Variants in CHD8 observed in about 807,000 individuals in gnomAD.
CHD8 encodes chromodomain helicase DNA binding protein 8.
In CHD8, 31 loss-of-function variants were observed where a neutral mutation model predicts 279.2. The observed-to-expected ratio is 0.11, with a 90% CI of 0.08 to 0.15. The LOEUF (loss-of-function observed/expected upper bound fraction) is 0.15, where lower values mean the gene tolerates loss of function less well. CHD8 is among the 10% of genes least tolerant of loss of function. CHD8 has a pLI of 1.00. For missense variants in CHD8, 2,146 were observed against 3,230.5 expected (o/e 0.66, Z 8.14); for synonymous variants, 1,081 against 1,139.6 (o/e 0.95, Z 1.04).
chr14:21,430,848 C>T lies in CHD8; in HGVS notation c.796G>A (p.Gly266Arg). 1 of 1,599,308 alleles carries T rather than the reference C, an allele frequency of 6.3e-7. No homozygotes were observed. Among genetic ancestry groups the T allele is most frequent in the Non-Finnish European group, 8.5e-7 (1 of 1,179,676 alleles). Residue 266 changes from glycine to arginine, a missense_variant, in exon 2 of 38, where the codon GGG becomes AGG. Coordinates refer to ENST00000646647, the MANE Select transcript of CHD8 (RefSeq NM_001170629.2). ...SAPAGNPGAT[G>R]PPLKPAVTLT... ...GTAACTGCAGGCTTCAGTGGGGGCC[C>T]TGTGGCCCCAGGGTTTCCAGCAGGA...
At chr14:21,397,190 T>C (rs562480182) in intron 27 of CHD8, 4 of 300,372 alleles carry the variant, frequency 1.3e-5, no homozygotes, top group East Asian at 1.7e-4. Flanking sequence ...CCAATTTCCT[T>C]TGAGGGTCCT....
intron 30 of CHD8, 180 bp from the exon 31 acceptor site, chr14:21,394,665 G>A (rs1429599921): frequency 1.7e-6 from 1 of 582,892 alleles, no homozygotes; most frequent in Non-Finnish European, 2.9e-6. Context: ...TAATGAGTAA[G>A]AATTACAGAG....
At position 21,447,886 on chromosome 14, in the gene CHD8, C is replaced by T. The variant is rs567900648; in HGVS notation, c.-216+8146G>A. ...AAGTTGCTCTTCACTGGCTCATGGTCACTAAGGTGAAAATAATACTCTCTG... is the reference window on the plus strand; with the variant it reads ...AAGTTGCTCTTCACTGGCTCATGGTTACTAAGGTGAAAATAATACTCTCTG... On this transcript the variant is annotated intron_variant, in intron 1 of 37. Transcript: ENST00000646647. Among the ~76,000 whole-genome samples, 11 of 152,244 alleles carry T rather than the reference C, an allele frequency of 7.2e-5. 2 individuals carry two copies. The South Asian group carries it at 2.1e-3, about 29-fold the overall frequency.
intron 4 of CHD8, chr14:21,427,183 T>C (rs2139529120): frequency 6.4e-6 from 1 of 156,420 alleles, no homozygotes; most frequent in African/African-American, 2.4e-5. Flanking sequence ...TTGAACTATG[T>C]AGCTGGTAAA....
At position 21,403,745 on chromosome 14, in the gene CHD8, G is replaced by A. The variant is rs1888133462; in HGVS notation, c.3308-82C>T. ...GTCTATTTAACTAAGAAAGCAAAAG[G>A]AAAAAAATGTAATTTGACTTAAGAC... On this transcript the variant is annotated intron_variant, in intron 16 of 37. Coordinates refer to ENST00000646647, the MANE Select transcript of CHD8 (RefSeq NM_001170629.2). The surrounding 1 kb of genome is among the most constrained non-coding windows in gnomAD (Gnocchi z 4.3). 3.2e-5 allele frequency: 38 copies of A among 1,175,774 alleles called. No homozygotes were observed. The highest frequency in any genetic ancestry group is 3.0e-4 in the Admixed American group (13 of 43,120). 72.8% of individuals were successfully genotyped at this position (1,175,774 alleles called of 1,614,324 possible). A position where few individuals can be genotyped will look rare whatever the true frequency, so the allele number is the denominator to read the frequency against.
At chr14:21,449,454 A>C (rs977162125) in intron 1 of CHD8, among the ~76,000 whole-genome samples, 1 of 152,238 alleles carries the variant, frequency 6.6e-6, no homozygotes, top group Non-Finnish European at 1.5e-5. Flanking sequence ...CTCAAAGCAA[A>C]ATTACTCCTC....
chr14:21,386,046 G>C lies in CHD8; in HGVS notation c.7313C>G (p.Thr2438Ser), dbSNP rs750583059. The C allele has an allele frequency of 1.3e-6, 2 of 1,594,692 alleles. No homozygotes were observed. Among genetic ancestry groups the C allele is most frequent in the Non-Finnish European group, 1.7e-6 (2 of 1,170,330 alleles). Reference sequence around the variant, plus strand: ...CGTGTTATGCAGAGATAGAGACCCAGTGCTTCCACCCTGCATGAGGGCCAT... The same window carrying C: ...CGTGTTATGCAGAGATAGAGACCCACTGCTTCCACCCTGCATGAGGGCCAT... ...KMMALMQGGSTGSLSLHNTFQ... is the reference protein window; with the variant it reads ...KMMALMQGGSSGSLSLHNTFQ... The change falls in exon 38 of 38, where the codon ACT becomes AGT. Residue 2438 changes from threonine (T) to serine (S), a missense_variant. Physicochemically the swap from Thr to Ser is moderately conservative, Grantham distance 58 (BLOSUM62 1). Coordinates refer to ENST00000646647, the MANE Select transcript of CHD8 (RefSeq NM_001170629.2).
intron 1 of CHD8, among the ~76,000 whole-genome samples, chr14:21,455,828 G>C (rs1218743947): frequency 6.6e-6 from 1 of 151,880 alleles, no homozygotes; most frequent in African/African-American, 2.4e-5. Context: ...CCCGCGGCCC[G>C]GCAGCCACCC....
intron 5 of CHD8, among the ~76,000 whole-genome samples, chr14:21,418,665 A>G (rs1303686390): frequency 6.6e-6 from 1 of 152,106 alleles, no homozygotes; most frequent in Non-Finnish European, 1.5e-5. Flanking sequence ...AATATAAAAA[A>G]ATTAGCTGGG....
Position 21,427,333 on chromosome 14 carries a change from T to C in CHD8, c.1601+536A>G, listed in dbSNP as rs1889365074. The C allele has an allele frequency of 4.3e-6, 3 of 704,732 alleles. No individual in the cohort carries two copies. The South Asian group carries it at 1.4e-4, about 33-fold the overall frequency. The allele number at this position is 704,732 out of a possible 1,614,324, so 43.7% of individuals were successfully genotyped here. A position where few individuals can be genotyped will look rare whatever the true frequency, so the allele number is the denominator to read the frequency against. ...GCAAGGAGCACTCACTTGAGCTTGC[T>C]CTTGCCCGTCCCATCCCAGTAGCAA... On this transcript the variant is annotated intron_variant, in intron 4 of 37. Transcript: ENST00000646647.
At position 21,401,081 on chromosome 14, in the gene CHD8, G is replaced by C. The variant is rs775511122; in HGVS notation, c.4174-10C>G. The C allele has an allele frequency of 2.3e-5, 37 of 1,576,784 alleles. No homozygotes were observed. The highest frequency in any genetic ancestry group is 3.1e-5 in the Non-Finnish European group (36 of 1,159,776). ...CAATTACCAAATTATTCTATGAAGA[G>C]AACAGAAGGAGAAGTAATTCTCTTC... On this transcript the variant is annotated splice_polypyrimidine_tract_variant and intron_variant, in intron 21 of 37. Transcript: ENST00000646647.
chr14:21,446,225 G>T (rs182882302), intron 1 of CHD8, among the ~76,000 whole-genome samples: 1 of 151,892 alleles, frequency 6.6e-6, no homozygotes. Flanking sequence ...TGATTTCCCA[G>T]ACTAGTAACA....
chr14:21,387,357 C>T (rs983589777), intron 37 of CHD8, among the ~76,000 whole-genome samples: 4 of 152,014 alleles, frequency 2.6e-5, no homozygotes, highest in Non-Finnish European at 5.9e-5. Flanking sequence ...GTCAGCCAGG[C>T]GTGGTGGCTC....
intron 25 of CHD8, 75 bp downstream of exon 25, chr14:21,399,906 T>C (rs1887955723): frequency 3.1e-6 from 4 of 1,274,270 alleles, no homozygotes; most frequent in Non-Finnish European, 4.6e-6. Flanking sequence ...AAAGATAGCA[T>C]AAAATGAAAT....
At chr14:21,432,978 A>C (rs1376431345) in intron 1 of CHD8, among the ~76,000 whole-genome samples, 2 of 152,156 alleles carry the variant, frequency 1.3e-5, no homozygotes, top group African/African-American at 2.4e-5. Context: ...ATATATAAAA[A>C]TTTGTTATGA....
At chr14:21,440,096 G>GT (rs1413651914) in intron 1 of CHD8, among the ~76,000 whole-genome samples, 11 of 152,226 alleles carry the variant, frequency 7.2e-5, no homozygotes, top group Non-Finnish European at 7.3e-5. Context: ...AGAGTAGGCA[G>GT]TATGACAACA....
intron 4 of CHD8, chr14:21,427,336 T>C: frequency 1.4e-6 from 1 of 724,702 alleles, no homozygotes; most frequent in South Asian, 4.5e-5. Context: ...AGCTTGCTCT[T>C]GCCCGTCCCA....
chr14:21,388,186 T>C (rs191355678), intron 37 of CHD8, among the ~76,000 whole-genome samples: 30 of 152,350 alleles, frequency 2.0e-4, no homozygotes, highest in African/African-American at 7.0e-4. Context: ...AAAATATTGA[T>C]AGTTTACTTT....
Position 21,405,604 on chromosome 14 carries a change from A to C in CHD8, c.3051+117T>G. 1 of 1,459,980 alleles carries C rather than the reference A, an allele frequency of 6.8e-7. No individual in the cohort carries two copies. Among genetic ancestry groups the C allele is most frequent in the East Asian group, 2.3e-5 (1 of 44,116 alleles). The allele number at this position is 1,459,980 out of a possible 1,614,324, so 90.4% of individuals were successfully genotyped here. A position where few individuals can be genotyped will look rare whatever the true frequency, so the allele number is the denominator to read the frequency against. ...GGATGATGCCACAAATGATGTAGGC[A>C]CAAGGTTATAAGGAGTTCAGAAAGG... On this transcript the variant is annotated intron_variant, in intron 15 of 37. Transcript: ENST00000646647. The surrounding 1 kb of genome is among the most constrained non-coding windows in gnomAD (Gnocchi z 4.2).
Sources: gnomAD v4.1 joint callset for allele counts (sites outside exome capture counted in the v4.1 genomes callset) on GRCh38, gnomAD v4.1.1 for gene constraint, Gnocchi (gnomAD v3.1) non-coding constraint, MANE v1.5 for transcripts, NCBI Gene and HGNC (gene_info 2026-07-23, HGNC 2026-07-21) for gene names.